ADAM10: variants seen among roughly 807,000 people sequenced by gnomAD.
ADAM10 encodes ADAM metallopeptidase domain 10, also known as disintegrin and metalloproteinase domain-containing protein 10.
Under a neutral mutation model 90.1 loss-of-function variants are expected in ADAM10, and 17 were observed. That is an observed-to-expected ratio of 0.19 (90% confidence interval 0.13 to 0.28). The LOEUF (loss-of-function observed/expected upper bound fraction) is 0.28, where lower values mean the gene tolerates loss of function less well. Ranked by LOEUF, ADAM10 falls within the 10% of genes least tolerant of loss-of-function variation. The probability of loss-of-function intolerance (pLI) is 1.00; values close to 1 mark genes in which losing one functional copy is unlikely to be tolerated. For missense variants in ADAM10, 610 were observed against 914.3 expected (o/e 0.67, Z 4.29); for synonymous variants, 310 against 298.6 (o/e 1.04, Z -0.40).
At chr15:58,672,525 C>T (rs1313579694) in intron 4 of ADAM10, 2 of 152,104 alleles carry the variant, frequency 1.3e-5, no homozygotes, top group Admixed American at 6.6e-5. Flanking sequence ...AAACTTACAT[C>T]CCTCCTAAAG....
At chr15:58,733,755 A>G (rs1327039259) in intron 1 of ADAM10, among the ~76,000 whole-genome samples, 1 of 151,942 alleles carries the variant, frequency 6.6e-6, no homozygotes, top group Admixed American at 6.6e-5. Flanking sequence ...TCTGCTTTGC[A>G]TATTTAAATC....
chr15:58,698,295 T>C (rs1212573326), intron 2 of ADAM10: 11 of 449,884 alleles, frequency 2.4e-5, no homozygotes, highest in East Asian at 7.2e-5. Context: ...ACAGATATCA[T>C]AGGGCTAGGC....
At chr15:58,686,948 T>C (rs547563865) in intron 2 of ADAM10, among the ~76,000 whole-genome samples, 5 of 152,344 alleles carry the variant, frequency 3.3e-5, no homozygotes, top group East Asian at 3.9e-4. Flanking sequence ...TGGAATATCA[T>C]GTATGTTTCA....
intron 2 of ADAM10, among the ~76,000 whole-genome samples, chr15:58,717,279 T>C (rs375725260): frequency 1.5e-3 from 231 of 152,248 alleles, no homozygotes; most frequent in East Asian, 4.0e-3. Flanking sequence ...ATAAAACATA[T>C]AAAAAGTAGT....
At chr15:58,672,160 C>T (rs1396125944) in intron 4 of ADAM10, 1 of 152,094 alleles carries the variant, frequency 6.6e-6, no homozygotes, top group Admixed American at 6.5e-5. Flanking sequence ...AACATGAAAG[C>T]TTTTTTTATT....
intron 2 of ADAM10, among the ~76,000 whole-genome samples, chr15:58,685,439 G>C (rs987058100): frequency 1.3e-5 from 2 of 150,442 alleles, no homozygotes; most frequent in Non-Finnish European, 3.0e-5. Flanking sequence ...CTGCAGCCTA[G>C]GTGACAGAAC....
intron 14 of ADAM10, among the ~76,000 whole-genome samples, chr15:58,602,966 G>A (rs1382043790): frequency 6.6e-6 from 1 of 152,140 alleles, no homozygotes; most frequent in Non-Finnish European, 1.5e-5. Flanking sequence ...TTTAAATGCT[G>A]GCAAACTTGT....
Position 58,597,354 on chromosome 15 carries a change from C to T in ADAM10, c.*193G>A. The stretch of plus-strand genomic sequence containing the variant: ...AAAATTGGGTTCCTTTTCCACCTCC[C>T]ACCCCCAAATTGGAATTTTCAGGCT... On this transcript the variant is annotated 3_prime_UTR_variant, in exon 16 of 16. Coordinates refer to ENST00000260408, the MANE Select transcript of ADAM10 (RefSeq NM_001110.4). 3 of 1,538,528 alleles carry T rather than the reference C, an allele frequency of 1.9e-6. No individual in the cohort carries two copies. The highest frequency in any genetic ancestry group is 1.4e-5 in the African/African-American group (1 of 72,456).
chr15:58,740,421 A>G (rs1899571339), intron 1 of ADAM10, among the ~76,000 whole-genome samples: 1 of 151,938 alleles, frequency 6.6e-6, no homozygotes, highest in Non-Finnish European at 1.5e-5. Context: ...GGGAAGAAAA[A>G]AAAAAAAGAA....
At chr15:58,668,881 C>G (rs139797377) in intron 4 of ADAM10, among the ~76,000 whole-genome samples, 1 of 152,130 alleles carries the variant, frequency 6.6e-6, no homozygotes, top group Non-Finnish European at 1.5e-5. Flanking sequence ...AAACTGCTGG[C>G]TCCCATAACC....
At chr15:58,637,263 G>A (rs1164247581) in intron 8 of ADAM10, among the ~76,000 whole-genome samples, 1 of 152,156 alleles carries the variant, frequency 6.6e-6, no homozygotes, top group Non-Finnish European at 1.5e-5. Flanking sequence ...AAATAGAGGA[G>A]TACTGAAGGT....
intron 1 of ADAM10, among the ~76,000 whole-genome samples, chr15:58,734,894 T>C (rs1209952891): frequency 6.6e-6 from 1 of 152,162 alleles, no homozygotes; most frequent in Non-Finnish European, 1.5e-5. Context: ...CAGCTAGTGA[T>C]TGAAATGGGC....
chr15:58,719,249 A>T (rs1316223868), intron 1 of ADAM10, among the ~76,000 whole-genome samples: 1 of 152,098 alleles, frequency 6.6e-6, no homozygotes, highest in Non-Finnish European at 1.5e-5. Flanking sequence ...ACTTGAACCC[A>T]GGAGGCAGAG....
intron 2 of ADAM10, among the ~76,000 whole-genome samples, chr15:58,683,408 G>A (rs1897497144): frequency 6.6e-6 from 1 of 152,148 alleles, no homozygotes; most frequent in Non-Finnish European, 1.5e-5. Context: ...ACATGAATAA[G>A]TTGGTACAAT....
Position 58,633,459 on chromosome 15 carries a change from T to C in ADAM10, c.1013-100A>G, listed in dbSNP as rs748512530. 43 of 1,053,906 alleles carry C rather than the reference T, an allele frequency of 4.1e-5. 1 individual carries two copies. Among genetic ancestry groups the C allele is most frequent in the Middle Eastern group, 4.6e-4 (2 of 4,350 alleles). The allele number at this position is 1,053,906 out of a possible 1,614,324, so 65.3% of individuals were successfully genotyped here. On this transcript the variant is annotated intron_variant, in intron 8 of 15. Coordinates refer to ENST00000260408, the MANE Select transcript of ADAM10 (RefSeq NM_001110.4). ...TAAATGAAAACATTTTATATTTTAATCTAAAATAGAACTGGTACTCAAACG... is the reference window on the plus strand; with the variant it reads ...TAAATGAAAACATTTTATATTTTAACCTAAAATAGAACTGGTACTCAAACG...
At chr15:58,727,945 G>T (rs1408760661) in intron 1 of ADAM10, among the ~76,000 whole-genome samples, 2 of 152,134 alleles carry the variant, frequency 1.3e-5, no homozygotes, top group East Asian at 3.9e-4. Context: ...AACTAGAGTT[G>T]GAAATCATAC....
intron 1 of ADAM10, among the ~76,000 whole-genome samples, chr15:58,742,705 A>G (rs373394609): frequency 6.6e-6 from 1 of 152,142 alleles, no homozygotes; most frequent in Non-Finnish European, 1.5e-5. Flanking sequence ...TGTCCTTAAC[A>G]TTGCTTCCTT....
At chr15:58,718,472 TA>T (rs35460688) in intron 1 of ADAM10, among the ~76,000 whole-genome samples, 131,028 of 151,658 alleles carry the variant, frequency 0.86, 56,558 homozygotes, top group East Asian at 0.89. Flanking sequence ...GGTATTGGGG[TA>T]AAAAAAAAAT....
chr15:58,691,723 G>A (rs567204282), intron 2 of ADAM10: 17 of 316,976 alleles, frequency 5.4e-5, no homozygotes, highest in Admixed American at 2.2e-4. Flanking sequence ...TTCTTCTGTC[G>A]CCCAGGCTTA....
Sources: allele counts gnomAD v4.1 joint callset (sites outside exome capture counted in the v4.1 genomes callset), GRCh38; gene constraint gnomAD v4.1.1; transcripts MANE v1.5; gene names NCBI Gene and HGNC (gene_info 2026-07-23, HGNC 2026-07-21).